CLDN14: variants seen among roughly 807,000 people sequenced by gnomAD.
The protein encoded by CLDN14 is claudin 14.
Under a neutral mutation model 2.1 loss-of-function variants are expected in CLDN14, and 2 were observed. The ratio of observed to expected loss-of-function variants is 0.96; its 90% CI spans 0.39 to 3.01. The LOEUF is 3.01. Ranked by LOEUF, CLDN14 falls within the 30% of genes most tolerant of loss-of-function variation. CLDN14 has a pLI of 0.09. For missense variants in CLDN14, 298 were observed against 328.0 expected (o/e 0.91, Z 0.71); for synonymous variants, 136 against 154.4 (o/e 0.88, Z 0.88).
chr21:36,473,852 G>A (rs1291176730), intron 1 of CLDN14, among the ~76,000 whole-genome samples: 2 of 152,244 alleles, frequency 1.3e-5, no homozygotes, highest in Non-Finnish European at 2.9e-5. Context: ...CAACCCAGAG[G>A]AGACTGGTGA....
intron 1 of CLDN14, among the ~76,000 whole-genome samples, chr21:36,530,611 A>G (rs896721140): frequency 3.3e-5 from 5 of 152,256 alleles, no homozygotes; most frequent in Admixed American, 3.3e-4. Flanking sequence ...CAGTAAGTGA[A>G]ACCCAAGCCA....
chr21:36,483,546 G>C (rs947437573), upstream of CLDN14, among the ~76,000 whole-genome samples: 4 of 152,234 alleles, frequency 2.6e-5, no homozygotes, highest in African/African-American at 7.2e-5. Context: ...AGGCCTCATA[G>C]GAACCATGCG....
intron 1 of CLDN14, among the ~76,000 whole-genome samples, chr21:36,553,802 T>A (rs909873656): frequency 6.6e-6 from 1 of 152,066 alleles, no homozygotes; most frequent in Non-Finnish European, 1.5e-5. Flanking sequence ...GTGTGTGAGA[T>A]GAGGGATGAG....
At chr21:36,564,266 G>A (rs2087657258) in intron 1 of CLDN14, among the ~76,000 whole-genome samples, 1 of 152,244 alleles carries the variant, frequency 6.6e-6, no homozygotes, top group Non-Finnish European at 1.5e-5. Context: ...TAACTTAGGT[G>A]TAATCACCAG....
chr21:36,560,510 T>C (rs1357983903), intron 1 of CLDN14, among the ~76,000 whole-genome samples: 1 of 152,286 alleles, frequency 6.6e-6, no homozygotes, highest in African/African-American at 2.4e-5. Flanking sequence ...TATCATGTGA[T>C]TTTTATCTTT....
At chr21:36,493,289 G>A (rs1330713896) in intron 2 of CLDN14, among the ~76,000 whole-genome samples, 1 of 152,116 alleles carries the variant, frequency 6.6e-6, no homozygotes, top group Non-Finnish European at 1.5e-5. Context: ...CTGAGCTGGG[G>A]TCTGTGAGTA....
chr21:36,558,032 A>T (rs145579043), intron 1 of CLDN14, among the ~76,000 whole-genome samples: 3 of 152,222 alleles, frequency 2.0e-5, no homozygotes, highest in Admixed American at 6.5e-5. Context: ...TGTTGAAGAG[A>T]CTGTCCTTTC....
rs1555850517 is a variant in CLDN14 at position 36,515,789 on chromosome 21, C to CTTTTTT, written c.-219-5295_-219-5290dup. ...AAGCTGTGTTTCCCTTTTATCTTCT[C>CTTTTTT]TTTTTTTTTTTTTTTGAGACAGAGT... On this transcript the variant is annotated intron_variant, in intron 1 of 2. Coordinates refer to the CLDN14 transcript ENST00000342108. 7.0e-3 allele frequency among the ~76,000 whole-genome samples: 808 copies of CTTTTTT among 115,204 alleles called. 9 individuals are homozygous for CTTTTTT. Among genetic ancestry groups the CTTTTTT allele is most frequent in the African/African-American group, 0.023 (643 of 28,152 alleles). 75.6% of individuals were successfully genotyped at this position (115,204 alleles called of 152,430 possible). A position where few individuals can be genotyped will look rare whatever the true frequency, so the allele number is the denominator to read the frequency against.
At chr21:36,490,036 A>C (rs955214413) in intron 2 of CLDN14, among the ~76,000 whole-genome samples, 1 of 152,218 alleles carries the variant, frequency 6.6e-6, no homozygotes, top group East Asian at 1.9e-4. Flanking sequence ...CTTACGGCTG[A>C]GGGATCAGGA....
intron 2 of CLDN14, chr21:36,486,391 C>A: frequency 9.5e-7 from 1 of 1,047,388 alleles, no homozygotes; most frequent in Non-Finnish European, 1.5e-6. Flanking sequence ...GCTGCAGCTG[C>A]TCGTCTGGGC....
At chr21:36,472,701 G>A (rs1181673513) in intron 1 of CLDN14, among the ~76,000 whole-genome samples, 1 of 152,204 alleles carries the variant, frequency 6.6e-6, no homozygotes, top group Non-Finnish European at 1.5e-5. Flanking sequence ...CACAATTCCG[G>A]AGGCTGGAAA....
intron 2 of CLDN14, among the ~76,000 whole-genome samples, chr21:36,504,212 C>A (rs923779223): frequency 6.6e-6 from 1 of 151,248 alleles, no homozygotes; most frequent in African/African-American, 2.4e-5. Context: ...TGGTGGTGCA[C>A]GCCTGTAGTC....
At chr21:36,492,506 G>A (rs1436336970) in intron 2 of CLDN14, among the ~76,000 whole-genome samples, 1 of 149,556 alleles carries the variant, frequency 6.7e-6, no homozygotes, top group Non-Finnish European at 1.5e-5. Flanking sequence ...GCGAGCACCT[G>A]TAATCCCAGC....
chr21:36,494,237 G>A (rs981307327), intron 2 of CLDN14, among the ~76,000 whole-genome samples: 2 of 152,164 alleles, frequency 1.3e-5, no homozygotes, highest in Non-Finnish European at 2.9e-5. Flanking sequence ...TGATGCCAGG[G>A]AAGAGAGAAA....
intron 1 of CLDN14, among the ~76,000 whole-genome samples, chr21:36,525,921 C>A (rs894983653): frequency 6.6e-6 from 1 of 152,072 alleles, no homozygotes; most frequent in Non-Finnish European, 1.5e-5. Context: ...ACGTATGGTC[C>A]CTGCCCACAA....
At chr21:36,504,211 A>T (rs2087112396) in intron 2 of CLDN14, among the ~76,000 whole-genome samples, 2 of 151,696 alleles carry the variant, frequency 1.3e-5, no homozygotes, top group South Asian at 4.2e-4. Flanking sequence ...ATGGTGGTGC[A>T]CGCCTGTAGT....
intron 1 of CLDN14, among the ~76,000 whole-genome samples, chr21:36,520,368 G>T (rs925157251): frequency 2.6e-5 from 4 of 152,194 alleles, no homozygotes; most frequent in African/African-American, 7.2e-5. Context: ...ATCTTGAATT[G>T]TAGCTCCCAT....
At chr21:36,508,646 C>T (rs1346882934) in intron 2 of CLDN14, among the ~76,000 whole-genome samples, 3 of 152,186 alleles carry the variant, frequency 2.0e-5, no homozygotes, top group African/African-American at 7.2e-5. Context: ...AAGCACAGAG[C>T]CACCCTCTAC....
Position 36,499,341 on chromosome 21 carries a change from C to G in CLDN14, c.-82+11022G>C, listed in dbSNP as rs2087071510. On this transcript the variant is annotated intron_variant, in intron 2 of 2. Coordinates refer to the CLDN14 transcript ENST00000342108. This position sits in a 1 kb window ranked among gnomAD's most constrained non-coding sequence, Gnocchi z 4.7. ...CTCAGCTCGCTGCAACCTCTGCCTC[C>G]TGGGTTCAAGCGATTCTCCTGCCTC... Among the ~76,000 whole-genome samples the G allele has an allele frequency of 6.6e-6, 1 of 152,170 alleles. No homozygotes were observed. The highest frequency in any genetic ancestry group is 1.5e-5 in the Non-Finnish European group (1 of 68,030).
Sources: allele counts gnomAD v4.1 joint callset (sites outside exome capture counted in the v4.1 genomes callset), GRCh38; gene constraint gnomAD v4.1.1; non-coding constraint Gnocchi (gnomAD v3.1); transcripts MANE v1.5; gene names NCBI Gene and HGNC (gene_info 2026-07-23, HGNC 2026-07-21).